The following CEP131 variants were observed in gnomAD, a reference collection of about 807,000 sequenced individuals.
The protein encoded by CEP131 is centrosomal protein of 131 kDa.
In CEP131, 99 loss-of-function variants were observed where a neutral mutation model predicts 136.8. The observed-to-expected ratio is 0.72, with a 90% CI of 0.62 to 0.86. The LOEUF (loss-of-function observed/expected upper bound fraction) is 0.86. CEP131 is among the 40% of genes least tolerant of loss of function. The pLI is 0.00. For missense variants in CEP131, 1,459 were observed against 1,463.0 expected (o/e 1.00, Z 0.04); for synonymous variants, 646 against 612.7 (o/e 1.05, Z -0.80).
At position 81,197,022 on chromosome 17, in the gene CEP131, C is replaced by T. The variant is rs2061772469; in HGVS notation, c.1681G>A (p.Glu561Lys). The change falls in exon 14 of 26, where the codon GAG (glutamate) becomes AAG (lysine). Residue 561 changes from glutamate to lysine, a missense_variant. By Grantham distance (56) the Glu-to-Lys change is moderately conservative (BLOSUM62 1). Transcript: ENST00000450824. ...GACGTGCTCACCTCGGACCCCAGCT[C>T]CAGGGGCCCCGGCCCCGCCTCCGGC... is the stretch of plus-strand genomic sequence containing the variant. The part of the protein sequence containing the change: ...WVPEAGPGPL[E>K]LGSEVSTSVM... The T allele has an allele frequency of 6.3e-7, 1 of 1,593,480 alleles. No individual in the cohort carries two copies.
rs1187580595 is a variant in CEP131, at chr17:81,194,123, C to T, written c.2124G>A (p.Leu708=). Residue 708 remains leucine (L), a synonymous_variant, in exon 18 of 26, where the codon CTG becomes CTA. Transcript: ENST00000450824. ...KKIKEVTVRG[L]EPEIQKLIAR... ...CAATCAGCTTCTGGATCTCGGGCTC[C>T]AGACCTGGGGGCGGGGCACCAGCTA... The T allele has an allele frequency of 3.9e-6, 6 of 1,528,210 alleles. No individual in the cohort carries two copies. Among genetic ancestry groups the T allele is most frequent in the Non-Finnish European group, 4.4e-6 (5 of 1,139,492 alleles). 94.7% of individuals were successfully genotyped at this position (1,528,210 alleles called of 1,614,324 possible).
Position 81,199,462 on chromosome 17 carries a change from G to C in CEP131, c.1111C>G (p.Pro371Ala), listed in dbSNP as rs201344133. 2 of 1,608,804 alleles carry C rather than the reference G, an allele frequency of 1.2e-6. No homozygotes were observed. Among genetic ancestry groups the C allele is most frequent in the Non-Finnish European group, 1.7e-6 (2 of 1,178,430 alleles). Residue 371 changes from proline (P) to alanine (A), a missense_variant, in exon 10 of 26, where the codon CCA becomes GCA. By Grantham distance (27) the Pro-to-Ala change is conservative. Coordinates refer to ENST00000450824, the MANE Select transcript of CEP131 (RefSeq NM_014984.4). ...TCCTGAGCAGGCTGCCGCATTCCTGGCACTCTGGTCTCCCTGGGATTCTCA... is the reference window on the plus strand; with the variant it reads ...TCCTGAGCAGGCTGCCGCATTCCTGCCACTCTGGTCTCCCTGGGATTCTCA... Reference protein sequence around the residue: ...PPENPRETRVPGMRQPAQELS... With the variant: ...PPENPRETRVAGMRQPAQELS...
At chr17:81,220,096 C>CA in intron 1 of CEP131, 23 bp from the exon 2 acceptor site, 1 of 1,477,414 alleles carries the variant, frequency 6.8e-7, no homozygotes, top group South Asian at 1.3e-5. Context: ...GCAAGAGCTG[C>CA]AATGAGATGC....
chr17:81,197,011 G>T lies in CEP131; in HGVS notation c.1692C>A (p.Ser564=). The T allele has an allele frequency of 6.3e-7, 1 of 1,596,972 alleles. No individual in the cohort carries two copies. The highest frequency in any genetic ancestry group is 8.5e-7 in the Non-Finnish European group (1 of 1,171,760). The stretch of plus-strand genomic sequence containing the variant: ...GCCGCATCACAGACGTGCTCACCTC[G>T]GACCCCAGCTCCAGGGGCCCCGGCC... ...EAGPGPLELG[S]EVSTSVMRLK... The change falls in exon 14 of 26, where the codon TCC becomes TCA. Residue 564 remains serine (S), a synonymous_variant. Coordinates refer to ENST00000450824, the MANE Select transcript of CEP131 (RefSeq NM_014984.4).
chr17:81,192,685 G>GGGGGGCCC, intron 19 of CEP131, 51 bp downstream of exon 19: 2 of 478,422 alleles, frequency 4.2e-6, no homozygotes, highest in Admixed American at 2.3e-5. Flanking sequence ...GGGGGGAGGG[G>GGGGGGCCC]TCAGCCAGCG....
At position 81,192,576 on chromosome 17, in the gene CEP131, T is replaced by C; in HGVS notation, c.2447A>G (p.Glu816Gly). 6.2e-7 allele frequency: 1 copy of C among 1,604,336 alleles called. No individual in the cohort carries two copies. The highest frequency in any genetic ancestry group is 8.5e-7 in the Non-Finnish European group (1 of 1,177,660). The change falls in exon 20 of 26, where the codon GAA becomes GGA. Residue 816 changes from glutamate (E) to glycine (G), a missense_variant. Physicochemically the swap from Glu to Gly is moderately conservative, Grantham distance 98. This residue lies in a region of CEP131 where 1,026 missense variants were observed against 964.2 expected (regional missense o/e 1.06). Coordinates refer to ENST00000450824, the MANE Select transcript of CEP131 (RefSeq NM_014984.4). ...CTCCTCCAGCTGCTGCCTCAGCTCT[T>C]CCAGCTCCGCCCGCTGCCTGCGGCC... Reference protein sequence around the residue: ...QQAARQRAELEELRQQLEESS... With the variant: ...QQAARQRAELGELRQQLEESS...
At chr17:81,192,685 G>GGCGCCC in intron 19 of CEP131, 51 bp downstream of exon 19, 1 of 478,438 alleles carries the variant, frequency 2.1e-6, no homozygotes, top group Non-Finnish European at 4.1e-6. Context: ...GGGGGGAGGG[G>GGCGCCC]TCAGCCAGCG....
At position 81,203,366 on chromosome 17, in the gene CEP131, C is replaced by G. The variant is rs2061936457; in HGVS notation, c.629+128G>C. On this transcript the variant is annotated intron_variant, in intron 6 of 25. Transcript: ENST00000450824. This position sits in a 1 kb window ranked among gnomAD's most constrained non-coding sequence, Gnocchi z 4.6. ...ACCCCATGCACACTGACCGCATGCC[C>G]TGACCAAGGTAGAACCCTGTGTGAA... The G allele has an allele frequency of 2.7e-6, 2 of 738,296 alleles. No homozygotes were observed. The highest frequency in any genetic ancestry group is 1.7e-5 in the African/African-American group (1 of 57,346). 45.7% of individuals were successfully genotyped at this position (738,296 alleles called of 1,614,324 possible).
Position 81,208,238 on chromosome 17 carries a change from G to T in CEP131, c.272+690C>A, listed in dbSNP as rs991016673. On this transcript the variant is annotated intron_variant, in intron 3 of 25. Coordinates refer to ENST00000450824, the MANE Select transcript of CEP131 (RefSeq NM_014984.4). The surrounding 1 kb of genome is among the most constrained non-coding windows in gnomAD (Gnocchi z 5.6). ...CGGAGGCTGCACTGGATAGGGTGTG[G>T]TGGCCGCAGTTCTTGGTCTTCCCAG... Among the ~76,000 whole-genome samples the T allele has an allele frequency of 1.3e-5, 2 of 152,116 alleles. No individual in the cohort carries two copies. Among genetic ancestry groups the T allele is most frequent in the African/African-American group, 4.8e-5 (2 of 41,420 alleles).
At chr17:81,218,936 C>A (rs2062320442) in intron 2 of CEP131, among the ~76,000 whole-genome samples, 1 of 152,242 alleles carries the variant, frequency 6.6e-6, no homozygotes, top group Non-Finnish European at 1.5e-5. Flanking sequence ...AGGCAGGGAG[C>A]CCCAGACCGG....
At chr17:81,216,222 G>A (rs1291397410) in intron 2 of CEP131, among the ~76,000 whole-genome samples, 1 of 152,170 alleles carries the variant, frequency 6.6e-6, no homozygotes. Context: ...AGCCGGGCAT[G>A]GTGGTGCATG....
At chr17:81,206,976 C>A in intron 4 of CEP131, 105 bp from the exon 5 acceptor site, 1 of 1,535,126 alleles carries the variant, frequency 6.5e-7, no homozygotes. Flanking sequence ...CCCATACAGA[C>A]AGGTGGATGT....
At chr17:81,218,579 G>A (rs966694661) in intron 2 of CEP131, among the ~76,000 whole-genome samples, 5 of 152,248 alleles carry the variant, frequency 3.3e-5, no homozygotes, top group African/African-American at 4.8e-5. Flanking sequence ...GCCTAGAGGC[G>A]TACCACATCT....
intron 3 of CEP131, among the ~76,000 whole-genome samples, chr17:81,207,481 G>C (rs554209730): frequency 1.4e-5 from 2 of 138,030 alleles, no homozygotes; most frequent in African/African-American, 5.3e-5. Flanking sequence ...AGTTTCTGGG[G>C]ACAAGGGCCT....
chr17:81,197,899 G>A lies in CEP131; in HGVS notation c.1471-11C>T. 1.2e-6 allele frequency: 2 copies of A among 1,608,806 alleles called. No homozygotes were observed. Among genetic ancestry groups the A allele is most frequent in the Non-Finnish European group, 8.5e-7 (1 of 1,176,952 alleles). ...GCTGGCGTCATCCTCCTGTGGGACA[G>A]GAGCCCAGCATCGGGGGCTGTCAGG... On this transcript the variant is annotated splice_polypyrimidine_tract_variant and intron_variant, in intron 12 of 25. Coordinates refer to ENST00000450824, the MANE Select transcript of CEP131 (RefSeq NM_014984.4).
chr17:81,191,481 T>A (rs1432743358), intron 21 of CEP131, 146 bp from the exon 22 acceptor site: 1 of 717,414 alleles, frequency 1.4e-6, no homozygotes, highest in African/African-American at 1.8e-5. Context: ...TGTCCAGGGG[T>A]GCGCTACGTC....
chr17:81,212,785 G>A (rs1054048329), intron 2 of CEP131, among the ~76,000 whole-genome samples: 2 of 152,192 alleles, frequency 1.3e-5, no homozygotes, highest in African/African-American at 2.4e-5. Context: ...GGGGCGAGAG[G>A]TGCCACTAGC....
intron 16 of CEP131, among the ~76,000 whole-genome samples, chr17:81,195,321 C>T (rs2061730959): frequency 6.6e-6 from 1 of 152,230 alleles, no homozygotes; most frequent in South Asian, 2.1e-4. Flanking sequence ...CTGTCAGCCA[C>T]AGTCACGTGC....
chr17:81,202,222 C>T lies in CEP131; in HGVS notation c.788+18G>A, dbSNP rs527682695. The T allele has an allele frequency of 1.2e-5, 19 of 1,556,760 alleles. No homozygotes were observed. The Middle Eastern group carries it at 5.2e-4, about 42-fold the overall frequency. On this transcript the variant is annotated intron_variant, in intron 7 of 25. Coordinates refer to ENST00000450824, the MANE Select transcript of CEP131 (RefSeq NM_014984.4). The stretch of plus-strand genomic sequence containing the variant: ...GTTCTAGGCTCAGGCCCCCCCCCAC[C>T]GCCCCAAGATCGGTCACCTCTCAGC...
Sources: gnomAD v4.1 joint callset for allele counts (sites outside exome capture counted in the v4.1 genomes callset) on GRCh38, gnomAD v4.1.1 for gene constraint, gnomAD v4.1.1 regional missense constraint, Gnocchi (gnomAD v3.1) non-coding constraint, MANE v1.5 for transcripts, NCBI Gene and HGNC (gene_info 2026-07-23, HGNC 2026-07-21) for gene names.